The following TMPRSS11E variants were observed in gnomAD, a reference collection of about 807,000 sequenced individuals.
TMPRSS11E encodes transmembrane protease serine 11E.
A neutral mutation model predicts 48.1 loss-of-function variants in TMPRSS11E; 38 were observed. That is an observed-to-expected ratio of 0.79 (90% CI 0.61 to 1.04). The LOEUF is 1.04. Ranked by LOEUF, TMPRSS11E falls within the 50% of genes least tolerant of loss-of-function variation. The pLI, the probability that TMPRSS11E is intolerant of heterozygous loss-of-function variation, is 0.00. For synonymous variants in TMPRSS11E, 158 were observed against 171.9 expected, an observed-to-expected ratio of 0.92 and a Z score of 0.63; for missense variants, 530 against 510.8, an observed-to-expected ratio of 1.04 and a Z score of -0.36.
intron 9 of TMPRSS11E, among the ~76,000 whole-genome samples, chr4:68,493,028 C>T (rs1729773012): frequency 6.6e-6 from 1 of 152,118 alleles, no homozygotes; most frequent in Non-Finnish European, 1.5e-5. Context: ...ATTCAACTAT[C>T]TCGGTTTCTA....
In TMPRSS11E at chr4:68,496,849, TG is replaced by T. The variant is rs756301264; in HGVS notation, c.*48del. 6.4e-7 allele frequency: 1 copy of T among 1,562,014 alleles called. No homozygotes were observed. Among genetic ancestry groups the T allele is most frequent in the Non-Finnish European group, 8.6e-7 (1 of 1,156,988 alleles). ...ACAGATAACATTTTTTTTTGTTTTT[TG>T]GGTGTGGAGGCCATTTTTAGAGATA... is the stretch of plus-strand genomic sequence containing the variant. On this transcript the variant is annotated 3_prime_UTR_variant, in exon 10 of 10. Coordinates refer to ENST00000305363, the MANE Select transcript of TMPRSS11E (RefSeq NM_014058.4).
intron 1 of TMPRSS11E, among the ~76,000 whole-genome samples, chr4:68,457,401 A>C (rs914588797): frequency 8.5e-5 from 13 of 152,098 alleles, no homozygotes; most frequent in Admixed American, 3.9e-4. Context: ...GAAACAACAG[A>C]TGTTGGAGAG....
At chr4:68,471,427 C>A (rs1191412551) in intron 4 of TMPRSS11E, 33 bp from the exon 5 acceptor site, 2 of 625,304 alleles carry the variant, frequency 3.2e-6, no homozygotes, top group Non-Finnish European at 2.0e-6. Flanking sequence ...CTTTTCTTTT[C>A]TTTCTTTCAT....
chr4:68,477,379 C>A lies in TMPRSS11E; in HGVS notation c.718C>A (p.Pro240Thr), dbSNP rs1398683513. ...AAHCFTTYKN[P>T]ARWTASFGVT... is the part of the protein sequence containing the mutation. The stretch of plus-strand genomic sequence containing the variant: ...TTTTTTTCTCCCCAGATATAAGAAC[C>A]CTGCCAGATGGACTGCTTCCTTTGG... The change falls in exon 8 of 10, where the codon CCT becomes ACT. Residue 240 changes from proline (P) to threonine (T), a missense_variant. By Grantham distance (38) the Pro-to-Thr change is conservative (BLOSUM62 -1). Transcript: ENST00000305363. 2 of 1,611,060 alleles carry A rather than the reference C, an allele frequency of 1.2e-6. No homozygotes were observed. The highest frequency in any genetic ancestry group is 1.7e-6 in the Non-Finnish European group (2 of 1,178,802).
chr4:68,465,398 A>G (rs1325007524), intron 2 of TMPRSS11E, among the ~76,000 whole-genome samples: 1 of 152,060 alleles, frequency 6.6e-6, no homozygotes, highest in Non-Finnish European at 1.5e-5. Context: ...TTTTTGCATA[A>G]CTTTTATACA....
chr4:68,478,498 A>C (rs1578141400), intron 8 of TMPRSS11E, among the ~76,000 whole-genome samples: 3 of 99,986 alleles, frequency 3.0e-5, no homozygotes, highest in African/African-American at 7.8e-5. Context: ...TCTGTCCCCC[A>C]GGCTGGAGTT....
Position 68,461,738 on chromosome 4 carries a change from A to G in TMPRSS11E, c.12-83A>G, listed in dbSNP as rs912474804. 4.4e-6 allele frequency: 7 copies of G among 1,591,900 alleles called. No homozygotes were observed. In the African/African-American group the frequency reaches 8.0e-5, roughly 18 times the overall value. On this transcript the variant is annotated intron_variant, in intron 1 of 9. Coordinates refer to ENST00000305363, the MANE Select transcript of TMPRSS11E (RefSeq NM_014058.4). ...ACGACCCTCCAACTGAATGTCCTTT[A>G]TTCCCCCAAAATATCTGTTTTGTCT...
intron 6 of TMPRSS11E, among the ~76,000 whole-genome samples, chr4:68,475,367 T>A (rs571090678): frequency 1.3e-5 from 2 of 151,328 alleles, no homozygotes; most frequent in East Asian, 3.9e-4. Context: ...ACAGTATACA[T>A]TCAATAGTTA....
At chr4:68,468,695 C>T (rs34243356) in intron 3 of TMPRSS11E, among the ~76,000 whole-genome samples, 184 bp from the exon 4 acceptor site, 5 of 152,006 alleles carry the variant, frequency 3.3e-5, no homozygotes, top group Non-Finnish European at 2.9e-5. Flanking sequence ...CCTAAGACAG[C>T]GTTCAGTTGA....
chr4:68,494,356 C>T (rs538858387), intron 9 of TMPRSS11E, among the ~76,000 whole-genome samples: 1 of 152,286 alleles, frequency 6.6e-6, no homozygotes, highest in Non-Finnish European at 1.5e-5. Flanking sequence ...AAGTTTCTCG[C>T]TCATATTATT....
chr4:68,456,872 G>A (rs1017566929), intron 1 of TMPRSS11E, among the ~76,000 whole-genome samples: 3 of 152,114 alleles, frequency 2.0e-5, no homozygotes, highest in Non-Finnish European at 4.4e-5. Context: ...AACTGAAAGT[G>A]GACCTCTTCC....
intron 9 of TMPRSS11E, among the ~76,000 whole-genome samples, chr4:68,494,663 G>T (rs34976817): frequency 0.086 from 13,106 of 152,104 alleles, 603 homozygotes; most frequent in South Asian, 0.15. Flanking sequence ...AGACAGACTG[G>T]TCCCTCAAAA....
intron 1 of TMPRSS11E, 43 bp from the exon 2 acceptor site, chr4:68,461,778 T>C (rs1034201749): frequency 6.2e-7 from 1 of 1,613,370 alleles, no homozygotes; most frequent in African/African-American, 1.3e-5. Flanking sequence ...AGTGGATGTG[T>C]TGCATGCTCT....
At chr4:68,470,634 C>G (rs1355022628) in intron 4 of TMPRSS11E, among the ~76,000 whole-genome samples, 2 of 151,836 alleles carry the variant, frequency 1.3e-5, no homozygotes, top group Admixed American at 1.3e-4. Flanking sequence ...AAAAATAAGA[C>G]TCTAATTTGT....
chr4:68,456,696 T>A (rs763721282), intron 1 of TMPRSS11E, among the ~76,000 whole-genome samples: 16 of 152,070 alleles, frequency 1.1e-4, no homozygotes, highest in Non-Finnish European at 1.9e-4. Flanking sequence ...ACATATCATA[T>A]GCCAAAACAA....
At chr4:68,463,991 T>C (rs1728863626) in intron 2 of TMPRSS11E, among the ~76,000 whole-genome samples, 1 of 152,178 alleles carries the variant, frequency 6.6e-6, no homozygotes, top group Admixed American at 6.5e-5. Flanking sequence ...ATCTTACTCA[T>C]ATGTATACAG....
chr4:68,456,534 A>C (rs1189071521), intron 1 of TMPRSS11E, among the ~76,000 whole-genome samples: 2 of 152,016 alleles, frequency 1.3e-5, no homozygotes, highest in Non-Finnish European at 2.9e-5. Flanking sequence ...TACTGTGGAT[A>C]TTTTTATAGT....
In TMPRSS11E at chr4:68,477,467, A is replaced by T; in HGVS notation, c.806A>T (p.Tyr269Phe). The T allele has an allele frequency of 6.2e-7, 1 of 1,614,132 alleles. No individual in the cohort carries two copies. The highest frequency in any genetic ancestry group is 8.5e-7 in the Non-Finnish European group (1 of 1,180,002). ...CGGAGAATAATTGTCCATGAAAAAT[A>T]CAAACACCCATCACATGACTATGAT... is the stretch of plus-strand genomic sequence containing the variant. ...GLRRIIVHEK[Y>F]KHPSHDYDIS... is the part of the protein sequence containing the mutation. Residue 269 changes from tyrosine (Y) to phenylalanine (F), a missense_variant, in exon 8 of 10, where the codon TAC becomes TTC. Physicochemically the swap from Tyr to Phe is conservative, Grantham distance 22 (BLOSUM62 3). Transcript: ENST00000305363.
At chr4:68,453,679 A>G (rs1728554521) in intron 1 of TMPRSS11E, among the ~76,000 whole-genome samples, 1 of 151,974 alleles carries the variant, frequency 6.6e-6, no homozygotes, top group Admixed American at 6.6e-5. Flanking sequence ...GATTGCAACA[A>G]TCTGTTTTGC....
Sources: allele counts gnomAD v4.1 joint callset (sites outside exome capture counted in the v4.1 genomes callset), GRCh38; gene constraint gnomAD v4.1.1; transcripts MANE v1.5; gene names NCBI Gene and HGNC (gene_info 2026-07-23, HGNC 2026-07-21).